Variants in NKAIN2 observed in about 807,000 individuals in gnomAD.
NKAIN2 encodes sodium/potassium-transporting ATPase subunit beta-1-interacting protein 2.
A neutral mutation model predicts 32.6 loss-of-function variants in NKAIN2; 14 were observed. That is an observed-to-expected ratio of 0.43 (90% CI 0.28 to 0.67). NKAIN2 has a LOEUF of 0.67. Ranked by LOEUF, NKAIN2 falls within the 30% of genes least tolerant of loss-of-function variation. NKAIN2 has a pLI of 0.17. For missense variants in NKAIN2, 198 were observed against 258.3 expected, an observed-to-expected ratio of 0.77 and a Z score of 1.60; for synonymous variants, 80 against 87.2, an observed-to-expected ratio of 0.92 and a Z score of 0.46.
intron 1 of NKAIN2, among the ~76,000 whole-genome samples, chr6:123,843,358 C>T (rs926034934): frequency 2.0e-5 from 3 of 152,022 alleles, no homozygotes; most frequent in African/African-American, 7.2e-5. Context: ...GATAATCTTC[C>T]CCTGGAGTTT....
chr6:124,812,785 G>A (rs549833323), intron 5 of NKAIN2, among the ~76,000 whole-genome samples: 1 of 151,660 alleles, frequency 6.6e-6, no homozygotes, highest in Admixed American at 6.6e-5. Context: ...AAATTTCTGA[G>A]AATCAACTTT....
At chr6:123,826,557 C>T (rs1774156302) in intron 1 of NKAIN2, among the ~76,000 whole-genome samples, 1 of 152,110 alleles carries the variant, frequency 6.6e-6, no homozygotes, top group African/African-American at 2.4e-5. Context: ...CCTTCTGCTT[C>T]TGTCTCTGTG....
At chr6:124,125,789 A>G (rs562099839) in intron 1 of NKAIN2, among the ~76,000 whole-genome samples, 10 of 152,252 alleles carry the variant, frequency 6.6e-5, no homozygotes, top group African/African-American at 2.2e-4. Context: ...ACAAAAGATA[A>G]TCATTGGAAA....
At chr6:124,379,203 GGAAGGGAGGGAA>G (rs1800142470) in intron 3 of NKAIN2, among the ~76,000 whole-genome samples, 1 of 85,996 alleles carries the variant, frequency 1.2e-5, no homozygotes, top group Non-Finnish European at 2.4e-5. Context: ...AGGGAAAGGA[GGAAGGGAGGGAA>G]AGGAGGGAAG....
At chr6:124,730,812 C>T (rs1776626125) in intron 4 of NKAIN2, among the ~76,000 whole-genome samples, 1 of 151,488 alleles carries the variant, frequency 6.6e-6, no homozygotes, top group African/African-American at 2.4e-5. Context: ...ACCTACTCAT[C>T]TGACAAAGGG....
intron 1 of NKAIN2, among the ~76,000 whole-genome samples, chr6:124,201,999 T>G (rs541987648): frequency 6.6e-6 from 1 of 152,106 alleles, no homozygotes; most frequent in African/African-American, 2.4e-5. Flanking sequence ...TCAACAAACG[T>G]GGTTAGCTAT....
chr6:123,874,014 G>T (rs1773042499), intron 1 of NKAIN2, among the ~76,000 whole-genome samples: 1 of 152,118 alleles, frequency 6.6e-6, no homozygotes, highest in Non-Finnish European at 1.5e-5. Flanking sequence ...TATGCCATCT[G>T]CTCCTTTTTA....
intron 3 of NKAIN2, among the ~76,000 whole-genome samples, chr6:124,646,474 G>A (rs1784173406): frequency 6.6e-6 from 1 of 152,000 alleles, no homozygotes; most frequent in Non-Finnish European, 1.5e-5. Flanking sequence ...AAGAGTGGAA[G>A]GGAGGAAAAA....
At chr6:124,788,677 C>T (rs1229758754) in intron 4 of NKAIN2, among the ~76,000 whole-genome samples, 2 of 151,954 alleles carry the variant, frequency 1.3e-5, no homozygotes, top group Non-Finnish European at 2.9e-5. Flanking sequence ...GTAACTGCTC[C>T]CATGATTCGA....
chr6:124,403,450 AC>A (rs1773713918), intron 3 of NKAIN2, among the ~76,000 whole-genome samples: 1 of 151,506 alleles, frequency 6.6e-6, no homozygotes, highest in African/African-American at 2.4e-5. Flanking sequence ...ACTTCCTTTT[AC>A]CCCCCTTACT....
At chr6:124,149,183 G>A (rs1454032591) in intron 1 of NKAIN2, among the ~76,000 whole-genome samples, 3 of 151,864 alleles carry the variant, frequency 2.0e-5, no homozygotes, top group Non-Finnish European at 4.4e-5. Context: ...GAATTGTAAG[G>A]GTGTTTTATA....
At chr6:123,807,542 A>G (rs868762431) in intron 1 of NKAIN2, among the ~76,000 whole-genome samples, 11 of 152,144 alleles carry the variant, frequency 7.2e-5, no homozygotes, top group Admixed American at 6.5e-5. Flanking sequence ...TACTATTTGT[A>G]ACTTTCAACT....
At chr6:123,896,968 C>T (rs549516915) in intron 1 of NKAIN2, among the ~76,000 whole-genome samples, 73 of 152,284 alleles carry the variant, frequency 4.8e-4, no homozygotes, top group Non-Finnish European at 9.1e-4. Context: ...ACCCCAATTA[C>T]TCAAGCAAGA....
intron 2 of NKAIN2, among the ~76,000 whole-genome samples, chr6:124,333,682 A>AATAAATAAATAAATAC (rs1554283503): frequency 6.6e-6 from 1 of 150,742 alleles, no homozygotes; most frequent in African/African-American, 2.4e-5. Flanking sequence ...TAAATAAATA[A>AATAAATAAATAAATAC]ATACATAAAT....
At chr6:123,855,700 G>A (rs145034601) in intron 1 of NKAIN2, among the ~76,000 whole-genome samples, 14 of 152,334 alleles carry the variant, frequency 9.2e-5, no homozygotes, top group Middle Eastern at 3.4e-3. Flanking sequence ...TTTGCATTAA[G>A]GAGGCAGTTC....
At chr6:124,002,576 TGCTTTG>T (rs1779924155) in intron 1 of NKAIN2, among the ~76,000 whole-genome samples, 2 of 152,112 alleles carry the variant, frequency 1.3e-5, no homozygotes, top group Admixed American at 1.3e-4. Context: ...ATTCATAGAC[TGCTTTG>T]GCCATAGACT....
chr6:124,520,386 A>G (rs1334553338), intron 3 of NKAIN2, among the ~76,000 whole-genome samples: 1 of 152,176 alleles, frequency 6.6e-6, no homozygotes, highest in Non-Finnish European at 1.5e-5. Context: ...AGACCCCCAG[A>G]AGCTGCTGCA....
chr6:124,698,250 T>C (rs1269675575), intron 4 of NKAIN2, among the ~76,000 whole-genome samples: 1 of 152,184 alleles, frequency 6.6e-6, no homozygotes, highest in Admixed American at 6.5e-5. Context: ...ATTAGCTTCT[T>C]GAGTCTAGGG....
chr6:124,050,671 A>G (rs1356109929), intron 1 of NKAIN2, among the ~76,000 whole-genome samples: 3 of 152,080 alleles, frequency 2.0e-5, no homozygotes, highest in African/African-American at 7.2e-5. Flanking sequence ...GCAGCACAAA[A>G]AAGAAAAGCT....
Sources: gnomAD v4.1 joint callset for allele counts (sites outside exome capture counted in the v4.1 genomes callset) on GRCh38, gnomAD v4.1.1 for gene constraint, MANE v1.5 for transcripts, NCBI Gene and HGNC (gene_info 2026-07-23, HGNC 2026-07-21) for gene names.